The following RGS8 variants were observed in gnomAD, a reference collection of about 807,000 sequenced individuals.
RGS8 encodes regulator of G protein signaling 8.
A neutral mutation model predicts 21.7 loss-of-function variants in RGS8; 8 were observed. The ratio of observed to expected loss-of-function variants is 0.37; its 90% confidence interval spans 0.22 to 0.66. RGS8 has a LOEUF of 0.66. Among genes scored for constraint, RGS8 ranks in the 30% least tolerant of loss-of-function variants. The probability of loss-of-function intolerance (pLI) is 0.59; values close to 1 mark genes in which losing one functional copy is unlikely to be tolerated. For synonymous variants in RGS8, 80 were observed against 83.6 expected, an observed-to-expected ratio of 0.96 and a Z score of 0.24; for missense variants, 157 against 217.9, an observed-to-expected ratio of 0.72 and a Z score of 1.76.
upstream of RGS8, among the ~76,000 whole-genome samples, chr1:182,676,002 T>C (rs1308450183): frequency 2.0e-5 from 3 of 152,206 alleles, no homozygotes; most frequent in Non-Finnish European, 4.4e-5. Context: ...CCGAGGATTC[T>C]TTATGGTAGA....
At chr1:182,732,687 G>A in the RGS8 span, among the ~76,000 whole-genome samples, 1 of 152,144 alleles carries the variant, frequency 6.6e-6, no homozygotes, top group Non-Finnish European at 1.5e-5. Context: ...TTTATTATCA[G>A]AAACTGAATG....
the RGS8 span, among the ~76,000 whole-genome samples, chr1:182,716,911 G>A: frequency 6.6e-6 from 1 of 152,182 alleles, no homozygotes; most frequent in African/African-American, 2.4e-5. Context: ...TTCCTGCTGT[G>A]TGACTTGGCT....
At chr1:182,660,389 T>A (rs955282453) in intron 5 of RGS8, among the ~76,000 whole-genome samples, 1 of 152,108 alleles carries the variant, frequency 6.6e-6, no homozygotes, top group African/African-American at 2.4e-5. Flanking sequence ...AGGCATTCCT[T>A]CAATAAAGAC....
At chr1:182,701,222 A>G in the RGS8 span, among the ~76,000 whole-genome samples, 5 of 152,254 alleles carry the variant, frequency 3.3e-5, no homozygotes, top group Admixed American at 6.5e-5. Flanking sequence ...GAATTGTGAC[A>G]TCATAAATCA....
At chr1:182,707,002 A>T in the RGS8 span, among the ~76,000 whole-genome samples, 1 of 151,882 alleles carries the variant, frequency 6.6e-6, no homozygotes, top group African/African-American at 2.4e-5. Context: ...TACTAAAAAT[A>T]CAAAAAATTA....
the RGS8 span, among the ~76,000 whole-genome samples, chr1:182,726,246 T>G: frequency 6.6e-6 from 1 of 152,106 alleles, no homozygotes; most frequent in Non-Finnish European, 1.5e-5. Flanking sequence ...ACTGCTTTGA[T>G]ATTTACTAAG....
At chr1:182,733,042 T>G in the RGS8 span, among the ~76,000 whole-genome samples, 4 of 152,334 alleles carry the variant, frequency 2.6e-5, no homozygotes, top group Admixed American at 2.0e-4. Context: ...GAAACCTGAA[T>G]ACAGAAGCAA....
At chr1:182,664,654 C>T (rs1663767228) in intron 5 of RGS8, among the ~76,000 whole-genome samples, 1 of 152,158 alleles carries the variant, frequency 6.6e-6, no homozygotes, top group Admixed American at 6.5e-5. Context: ...TTTGTCATTA[C>T]CTTGGCAAAT....
downstream of RGS8, chr1:182,644,581 A>G (rs565370556): frequency 5.4e-4 from 82 of 152,268 alleles, no homozygotes; most frequent in African/African-American, 2.0e-3. Flanking sequence ...AGGCCATCGC[A>G]CGACACTCTT....
At chr1:182,667,927 C>T (rs1663953921) in intron 3 of RGS8, among the ~76,000 whole-genome samples, 1 of 152,166 alleles carries the variant, frequency 6.6e-6, no homozygotes, top group East Asian at 1.9e-4. Context: ...AGTGATCTTC[C>T]TGCCTCAGCC....
the RGS8 span, among the ~76,000 whole-genome samples, chr1:182,709,729 C>T: frequency 9.2e-5 from 14 of 152,114 alleles, no homozygotes; most frequent in African/African-American, 3.4e-4. Context: ...CTACTGCCAA[C>T]CTAATCTTAT....
chr1:182,681,505 A>C (rs752564), intron 1 of RGS8, among the ~76,000 whole-genome samples: 5,675 of 152,276 alleles, frequency 0.037, 359 homozygotes, highest in African/African-American at 0.13. Context: ...CATTCTAGCC[A>C]GACACCTAGA....
exon 7 of RGS8, chr1:182,646,489 C>T: frequency 4.4e-6 from 2 of 458,482 alleles, no homozygotes; most frequent in East Asian, 3.6e-5. Flanking sequence ...AAGTTGCTGA[C>T]CCAGAAAAGG....
exon 3 of RGS8, chr1:182,669,739 G>C: frequency 6.3e-7 from 1 of 1,599,780 alleles, no homozygotes; most frequent in Non-Finnish European, 8.5e-7. Context: ...ATTTACCCTT[G>C]CACGTCCTCT....
At chr1:182,734,489 G>T in the RGS8 span, 40 of 152,216 alleles carry the variant, frequency 2.6e-4, no homozygotes, top group South Asian at 8.3e-3. Context: ...AAAAATAACC[G>T]AAAGAATCAA....
At chr1:182,739,128 C>T in the RGS8 span, among the ~76,000 whole-genome samples, 2 of 152,148 alleles carry the variant, frequency 1.3e-5, no homozygotes, top group Non-Finnish European at 2.9e-5. Context: ...GTGGAATATT[C>T]CCCCACAAGT....
chr1:182,672,915 C>T (rs891302225), upstream of RGS8: 4 of 1,430,740 alleles, frequency 2.8e-6, no homozygotes, highest in African/African-American at 4.2e-5. Context: ...GTCCCTGAAC[C>T]AGCAGTGTCA....
chr1:182,669,888 C>T, intron 2 of RGS8, 136 bp from the exon 4 acceptor site: 1 of 1,004,654 alleles, frequency 1.0e-6, no homozygotes. Context: ...TCCACTTGTC[C>T]TTAGCAGGGG....
At chr1:182,647,665 G>T (rs1308667930) in intron 6 of RGS8, among the ~76,000 whole-genome samples, 8 of 152,138 alleles carry the variant, frequency 5.3e-5, no homozygotes, top group Admixed American at 2.0e-4. Flanking sequence ...TACTGAACAG[G>T]TGCTTTATCT....
Sources: gnomAD v4.1 joint callset for allele counts (sites outside exome capture counted in the v4.1 genomes callset) on GRCh38, gnomAD v4.1.1 for gene constraint, MANE v1.5 for transcripts, NCBI Gene and HGNC (gene_info 2026-07-23, HGNC 2026-07-21) for gene names.